The following NIPBL variants were observed in gnomAD, a reference collection of about 807,000 sequenced individuals.
NIPBL encodes the protein nipped-B-like protein.
NIPBL carries 19 observed loss-of-function variants against 321.8 expected under a neutral mutation model. The ratio of observed to expected loss-of-function variants is 0.06; its 90% CI spans 0.04 to 0.09. The LOEUF is 0.09. NIPBL is among the 10% of genes least tolerant of loss of function. The pLI is 1.00. For synonymous variants in NIPBL, 1,106 were observed against 1,114.1 expected (o/e 0.99, Z 0.14); for missense variants, 2,210 against 3,327.0 (o/e 0.66, Z 8.26).
chr5:37,042,299 G>C (rs966900983), intron 34 of NIPBL, among the ~76,000 whole-genome samples: 4 of 151,560 alleles, frequency 2.6e-5, no homozygotes, highest in Non-Finnish European at 4.4e-5. Context: ...GCCAAGCATG[G>C]TGGTGCGCAC....
At chr5:36,898,744 C>G (rs1320599993) in intron 1 of NIPBL, among the ~76,000 whole-genome samples, 2 of 152,138 alleles carry the variant, frequency 1.3e-5, no homozygotes, top group Non-Finnish European at 2.9e-5. Context: ...CTCCCGACCT[C>G]AGGCGATCCA....
chr5:36,961,809 A>G (rs996752442), intron 5 of NIPBL, among the ~76,000 whole-genome samples: 4 of 152,246 alleles, frequency 2.6e-5, no homozygotes, highest in Non-Finnish European at 4.4e-5. Flanking sequence ...CATACAGACA[A>G]AAAATGTTAA....
rs1426453183 is a variant in NIPBL at position 37,010,189 on chromosome 5, G to A, written c.4524G>A (p.Glu1508=). The A allele has an allele frequency of 1.9e-6, 3 of 1,611,224 alleles. No homozygotes were observed. Among genetic ancestry groups the A allele is most frequent in the Non-Finnish European group, 2.5e-6 (3 of 1,177,498 alleles). ...IQCVVHLPSS[E]KDSNAEEDSN... is the part of the protein sequence containing the mutation. ...GTGTGGTACACTTACCATCATCAGA[G>A]AAGGACTCTAATGCAGAAGAAGATT... Residue 1508 remains glutamate (E), a synonymous_variant, in exon 21 of 47, where the codon GAG becomes GAA. Transcript: ENST00000282516.
chr5:36,971,657 GGTAGA>G (rs1271256607), intron 7 of NIPBL: 1 of 178,552 alleles, frequency 5.6e-6, no homozygotes, highest in Non-Finnish European at 1.1e-5. Context: ...TTTACCACCT[GGTAGA>G]GTATTCATAG....
intron 10 of NIPBL, among the ~76,000 whole-genome samples, chr5:36,988,964 A>C (rs1745158054): frequency 6.6e-6 from 1 of 152,112 alleles, no homozygotes; most frequent in African/African-American, 2.4e-5. Flanking sequence ...GTTACATTTG[A>C]TTTGATTTCT....
chr5:36,957,940 A>ACCAT (rs1364374141), intron 3 of NIPBL, among the ~76,000 whole-genome samples, 164 bp from the exon 4 acceptor site: 1 of 151,188 alleles, frequency 6.6e-6, no homozygotes, highest in Non-Finnish European at 1.5e-5. Context: ...CTGAGATTGT[A>ACCAT]CCATTGCACT....
Position 36,984,930 on chromosome 5 carries a change from G to A in NIPBL, c.1750G>A (p.Asp584Asn), listed in dbSNP as rs1405595597. 2 of 1,613,354 alleles carry A rather than the reference G, an allele frequency of 1.2e-6. No individual in the cohort carries two copies. Among genetic ancestry groups the A allele is most frequent in the Non-Finnish European group, 1.7e-6 (2 of 1,179,756 alleles). ...TGCACCTGTTTCTGTTCTTCAGGAA[G>A]ATATTGTTGGAAGTCTTAAATCTAC... Reference protein sequence around the residue: ...NDAPVSVLQEDIVGSLKSTPE... With the variant: ...NDAPVSVLQENIVGSLKSTPE... The change falls in exon 10 of 47, where the codon GAT becomes AAT. Residue 584 changes from aspartate (D) to asparagine (N), a missense_variant. Transcript: ENST00000282516.
chr5:36,887,519 A>G (rs1384094055), intron 1 of NIPBL, among the ~76,000 whole-genome samples: 1 of 151,932 alleles, frequency 6.6e-6, no homozygotes, highest in Non-Finnish European at 1.5e-5. Context: ...CTCTCCCCCG[A>G]CCCTTTCCTT....
chr5:36,953,246 G>C (rs1382807996), intron 1 of NIPBL, among the ~76,000 whole-genome samples: 1 of 152,158 alleles, frequency 6.6e-6, no homozygotes, highest in Non-Finnish European at 1.5e-5. Context: ...GAATTGCAGT[G>C]CTTGTCGAGG....
intron 1 of NIPBL, among the ~76,000 whole-genome samples, chr5:36,934,936 A>C (rs1750045162): frequency 6.6e-6 from 1 of 152,114 alleles, no homozygotes; most frequent in Non-Finnish European, 1.5e-5. Context: ...TACCAGATAG[A>C]AGGACTCACA....
At position 37,019,347 on chromosome 5, in the gene NIPBL, A is replaced by C. The variant is rs1459022939; in HGVS notation, c.4957A>C (p.Lys1653Gln). 1 of 1,613,178 alleles carries C rather than the reference A, an allele frequency of 6.2e-7. No individual in the cohort carries two copies. Among genetic ancestry groups the C allele is most frequent in the Non-Finnish European group, 8.5e-7 (1 of 1,179,438 alleles). ...GGAAGATGAAATCCAACAATTACAA[A>C]AAGCATTGCTTGATTACTTGGATGA... ...GGEDEIQQLQ[K>Q]ALLDYLDENT... Residue 1653 changes from lysine (K) to glutamine (Q), a missense_variant, in exon 25 of 47, where the codon AAA (lysine) becomes CAA (glutamine). By Grantham distance (53) the Lys-to-Gln change is moderately conservative. This residue lies in a region of NIPBL where 138 missense variants were observed against 175.8 expected (regional missense o/e 0.79). Transcript: ENST00000282516.
At position 36,975,760 on chromosome 5, in the gene NIPBL, C is replaced by T. The variant is rs3736396; in HGVS notation, c.869-16C>T. 396 of 1,612,344 alleles carry T rather than the reference C, an allele frequency of 2.5e-4. 3 individuals carry two copies. The East Asian group carries it at 6.6e-3, about 27-fold the overall frequency. On this transcript the variant is annotated splice_polypyrimidine_tract_variant and intron_variant, in intron 8 of 46. Transcript: ENST00000282516. ...AAACCACCACAACTGTTACTTCTAT[C>T]GAATTATTTTTCTAGGCTCAAGACC...
rs1743446349 is a variant in NIPBL, at chr5:36,976,311, A to C, written c.1404A>C (p.Glu468Asp). Reference sequence around the variant, plus strand: ...CACAACAGGGACCTATATATGATGAAGTGGAATTGGATGCATTGGCTGAAA... The same window carrying C: ...CACAACAGGGACCTATATATGATGACGTGGAATTGGATGCATTGGCTGAAA... ...QISQQGPIYD[E>D]VELDALAEIE... Residue 468 changes from glutamate to aspartate, a missense_variant, in exon 9 of 47, where the codon GAA becomes GAC. By Grantham distance (45) the Glu-to-Asp change is conservative. This residue lies in a region of NIPBL where 464 missense variants were observed against 529.5 expected (regional missense o/e 0.88). Coordinates refer to ENST00000282516, the MANE Select transcript of NIPBL (RefSeq NM_133433.4). 6.2e-7 allele frequency: 1 copy of C among 1,613,562 alleles called. No homozygotes were observed. Among genetic ancestry groups the C allele is most frequent in the East Asian group, 2.2e-5 (1 of 44,872 alleles).
chr5:36,948,865 C>T (rs1446802717), intron 1 of NIPBL, among the ~76,000 whole-genome samples: 1 of 151,766 alleles, frequency 6.6e-6, no homozygotes, highest in Non-Finnish European at 1.5e-5. Context: ...AAGCCAGAGT[C>T]ACCATACTTC....
intron 1 of NIPBL, among the ~76,000 whole-genome samples, chr5:36,924,154 G>A (rs1749171153): frequency 6.6e-6 from 1 of 152,222 alleles, no homozygotes; most frequent in Non-Finnish European, 1.5e-5. Context: ...TTGGATAACA[G>A]CTATTTTCCT....
At chr5:37,024,080 G>A (rs546860343) in intron 29 of NIPBL, among the ~76,000 whole-genome samples, 6 of 151,874 alleles carry the variant, frequency 4.0e-5, no homozygotes, top group Admixed American at 2.0e-4. Context: ...CAGGAGAATC[G>A]CTTGAGCCTG....
At chr5:36,988,187 C>T (rs1336531433) in intron 10 of NIPBL, among the ~76,000 whole-genome samples, 4 of 152,130 alleles carry the variant, frequency 2.6e-5, no homozygotes, top group Non-Finnish European at 4.4e-5. Context: ...GGGTTTTTCA[C>T]ATGCAATAAT....
chr5:37,045,227 G>A (rs980652451), intron 36 of NIPBL, among the ~76,000 whole-genome samples: 14 of 151,994 alleles, frequency 9.2e-5, no homozygotes, highest in African/African-American at 2.9e-4. Flanking sequence ...GGTGGCACAC[G>A]ACTGTAATCC....
At chr5:37,008,433 A>T (rs1359880905) in intron 19 of NIPBL, among the ~76,000 whole-genome samples, 190 bp from the exon 20 acceptor site, 1 of 152,100 alleles carries the variant, frequency 6.6e-6, no homozygotes, top group African/African-American at 2.4e-5. Flanking sequence ...TAGTCCTTTA[A>T]ATGAAACTAG....
Sources: allele counts gnomAD v4.1 joint callset (sites outside exome capture counted in the v4.1 genomes callset), GRCh38; gene constraint gnomAD v4.1.1; regional missense constraint gnomAD v4.1.1; transcripts MANE v1.5; gene names NCBI Gene and HGNC (gene_info 2026-07-23, HGNC 2026-07-21).